The following RERE variants were observed in gnomAD, a reference collection of about 807,000 sequenced individuals.
The protein encoded by RERE is arginine-glutamic acid dipeptide repeats protein.
A neutral mutation model predicts 146.1 loss-of-function variants in RERE; 40 were observed. The observed-to-expected ratio is 0.27, with a 90% confidence interval of 0.21 to 0.36. RERE has a LOEUF of 0.36. Ranked by LOEUF, RERE falls within the 10% of genes least tolerant of loss-of-function variation. The probability of loss-of-function intolerance (pLI) is 1.00; values close to 1 mark genes in which losing one functional copy is unlikely to be tolerated. For missense variants in RERE, 1,933 were observed against 2,138.7 expected (o/e 0.90, Z 1.90); for synonymous variants, 1,003 against 866.0 (o/e 1.16, Z -2.78).
chr1:8,388,699 T>G (rs1642773998), intron 12 of RERE, among the ~76,000 whole-genome samples: 2 of 152,228 alleles, frequency 1.3e-5, no homozygotes, highest in Non-Finnish European at 2.9e-5. Flanking sequence ...TGCTATATTC[T>G]TTTGTAACTC....
At chr1:8,638,018 T>C (rs1026340323) in intron 2 of RERE, among the ~76,000 whole-genome samples, 10 of 152,354 alleles carry the variant, frequency 6.6e-5, no homozygotes, top group African/African-American at 1.9e-4. Context: ...CTGTGGCATA[T>C]AGCCATTAGC....
chr1:8,376,081 C>T (rs1213801953), intron 12 of RERE, among the ~76,000 whole-genome samples: 3 of 152,170 alleles, frequency 2.0e-5, no homozygotes, highest in African/African-American at 4.8e-5. Context: ...TGAAGTCTAA[C>T]GCCCTTAACC....
chr1:8,369,719 C>A (rs1034145694), intron 12 of RERE, among the ~76,000 whole-genome samples: 10 of 151,802 alleles, frequency 6.6e-5, no homozygotes, highest in Non-Finnish European at 1.0e-4. Flanking sequence ...CAATTCTTCT[C>A]TTATTTACCC....
At chr1:8,412,089 C>T (rs1643631904) in intron 12 of RERE, among the ~76,000 whole-genome samples, 1 of 152,206 alleles carries the variant, frequency 6.6e-6, no homozygotes, top group Non-Finnish European at 1.5e-5. Context: ...ACCACCAAAT[C>T]CCAAAGGTGC....
chr1:8,702,540 A>G (rs1225240661), intron 1 of RERE, among the ~76,000 whole-genome samples: 4 of 152,188 alleles, frequency 2.6e-5, no homozygotes, highest in East Asian at 1.9e-4. Context: ...CTCTGGCAAA[A>G]TAACAGTAGT....
chr1:8,713,816 T>C (rs907382980), intron 1 of RERE, among the ~76,000 whole-genome samples: 5 of 152,162 alleles, frequency 3.3e-5, no homozygotes, highest in African/African-American at 1.2e-4. Context: ...ATACCTAACA[T>C]TAAAGGTATT....
intron 11 of RERE, among the ~76,000 whole-genome samples, chr1:8,438,773 A>T (rs1239307847): frequency 6.6e-6 from 1 of 152,222 alleles, no homozygotes; most frequent in African/African-American, 2.4e-5. Context: ...ATGTTCCAGT[A>T]AAACAGTTAA....
At chr1:8,718,134 T>G (rs1639796856) in intron 1 of RERE, among the ~76,000 whole-genome samples, 1 of 152,242 alleles carries the variant, frequency 6.6e-6, no homozygotes, top group African/African-American at 2.4e-5. Flanking sequence ...GTCCTCCATT[T>G]CTTTACTAAA....
chr1:8,466,703 T>C (rs1268487395), intron 10 of RERE, among the ~76,000 whole-genome samples: 1 of 152,260 alleles, frequency 6.6e-6, no homozygotes, highest in Non-Finnish European at 1.5e-5. Flanking sequence ...TGCTAGTTTT[T>C]CAGTACATAT....
rs1156440201 is a variant in RERE, at chr1:8,358,744, A to G, written c.3791T>C (p.Val1264Ala). The change falls in exon 20 of 23, where the codon GTC becomes GCC. Residue 1264 changes from valine (V) to alanine (A), a missense_variant. Around this residue, in one of 11 missense-constraint regions of RERE, gnomAD observed 1,255 missense variants for 1,153.8 expected, o/e 1.09. Coordinates refer to ENST00000400908, the MANE Select transcript of RERE (RefSeq NM_001042681.2). ...RTLSEYARPHVMSPTNRNHPF... is the reference protein window; with the variant it reads ...RTLSEYARPHAMSPTNRNHPF... ...GTGGTTGCGGTTGGTGGGCGACATG[A>G]CGTGGGGCCGGGCGTACTCGCTCAG... 2 of 1,609,368 alleles carry G rather than the reference A, an allele frequency of 1.2e-6. No homozygotes were observed. The highest frequency in any genetic ancestry group is 2.7e-5 in the African/African-American group (2 of 74,766).
intron 8 of RERE, among the ~76,000 whole-genome samples, chr1:8,501,611 G>C (rs1207898034): frequency 2.9e-4 from 36 of 125,630 alleles, no homozygotes; most frequent in East Asian, 8.2e-4. Context: ...GTCCGGGAGG[G>C]AGGTGGGGGG....
chr1:8,472,463 G>A (rs139794131), intron 10 of RERE, among the ~76,000 whole-genome samples: 1 of 152,312 alleles, frequency 6.6e-6, no homozygotes, highest in East Asian at 1.9e-4. Flanking sequence ...TAAGAAGGCT[G>A]TGCAAAATAC....
chr1:8,364,515 C>T lies in RERE; in HGVS notation c.1540+231G>A, dbSNP rs759095185. ...AGCTCCTGGGAACTACAGTGTCAAC[C>T]CCCCAATCCCACTCAATCTGTCCTG... On this transcript the variant is annotated intron_variant, in intron 14 of 22. Transcript: ENST00000400908. This position sits in a 1 kb window ranked among gnomAD's most constrained non-coding sequence, Gnocchi z 5.1. Among the ~76,000 whole-genome samples the T allele has an allele frequency of 6.6e-6, 1 of 152,118 alleles. No homozygotes were observed. The highest frequency in any genetic ancestry group is 1.5e-5 in the Non-Finnish European group (1 of 68,020).
chr1:8,731,776 GT>G (rs78465959), intron 1 of RERE, among the ~76,000 whole-genome samples: 7 of 146,700 alleles, frequency 4.8e-5, no homozygotes, highest in Non-Finnish European at 1.1e-4. Context: ...TAAACATAAT[GT>G]TTTTTTGTTT....
intron 1 of RERE, among the ~76,000 whole-genome samples, chr1:8,693,546 T>C (rs756537863): frequency 1.2e-4 from 18 of 151,922 alleles, no homozygotes; most frequent in Non-Finnish European, 2.5e-4. Context: ...AGCAAACCTA[T>C]GGAGATATTA....
chr1:8,517,074 G>A (rs1013286205), intron 7 of RERE, among the ~76,000 whole-genome samples: 16 of 152,134 alleles, frequency 1.1e-4, no homozygotes, highest in Admixed American at 9.2e-4. Context: ...AGAACTACAC[G>A]CACACAATCT....
At chr1:8,372,466 C>T (rs895942160) in intron 12 of RERE, among the ~76,000 whole-genome samples, 2 of 149,504 alleles carry the variant, frequency 1.3e-5, no homozygotes, top group African/African-American at 2.5e-5. Flanking sequence ...CTCCCACACA[C>T]GGTATCCAGG....
intron 11 of RERE, among the ~76,000 whole-genome samples, chr1:8,461,783 G>A (rs1039675453): frequency 6.6e-6 from 1 of 152,196 alleles, no homozygotes; most frequent in Non-Finnish European, 1.5e-5. Context: ...AGAGGAGAAG[G>A]AGGAGTAGGA....
chr1:8,454,387 A>AC (rs1553168679), intron 11 of RERE, among the ~76,000 whole-genome samples: 1 of 152,144 alleles, frequency 6.6e-6, no homozygotes, highest in African/African-American at 2.4e-5. Context: ...AAGTGAAAGG[A>AC]TGGGGCAGGC....
Sources: allele counts gnomAD v4.1 joint callset (sites outside exome capture counted in the v4.1 genomes callset), GRCh38; gene constraint gnomAD v4.1.1; regional missense constraint gnomAD v4.1.1; non-coding constraint Gnocchi (gnomAD v3.1); transcripts MANE v1.5; gene names NCBI Gene and HGNC (gene_info 2026-07-23, HGNC 2026-07-21).